The following CPSF1 variants were observed in gnomAD, a reference collection of about 807,000 sequenced individuals.
CPSF1 encodes cleavage and polyadenylation specific factor 1, also known as cleavage and polyadenylation specificity factor subunit 1.
Under a neutral mutation model 175.8 loss-of-function variants are expected in CPSF1, and 106 were observed. The observed-to-expected ratio is 0.60, with a 90% CI of 0.52 to 0.71. The LOEUF (loss-of-function observed/expected upper bound fraction) is 0.71, where lower values mean the gene tolerates loss of function less well. Ranked by LOEUF, CPSF1 falls within the 30% of genes least tolerant of loss-of-function variation. The pLI is 0.00. For missense variants in CPSF1, 1,734 were observed against 2,022.9 expected (o/e 0.86, Z 2.74); for synonymous variants, 1,024 against 858.3 (o/e 1.19, Z -3.37).
At chr8:144,403,732 A>C (rs2116895810) in intron 2 of CPSF1, among the ~76,000 whole-genome samples, 6 of 132,240 alleles carry the variant, frequency 4.5e-5, no homozygotes, top group Non-Finnish European at 8.3e-5. Flanking sequence ...TTGTATTTTT[A>C]ATAGATAGGG....
In CPSF1 at chr8:144,399,613, C is replaced by T. The variant is rs1821029311; in HGVS notation, c.1217G>A (p.Ser406Asn). The T allele has an allele frequency of 1.2e-6, 2 of 1,610,766 alleles. No individual in the cohort carries two copies. The highest frequency in any genetic ancestry group is 1.7e-6 in the Non-Finnish European group (2 of 1,178,802). The change falls in exon 12 of 38, where the codon AGT (serine) becomes AAT (asparagine). Residue 406 changes from serine (S) to asparagine (N), a missense_variant. Ser to Asn is a conservative substitution (Grantham distance 46). Around this residue, in one of 10 missense-constraint regions of CPSF1, gnomAD observed 162 missense variants for 169.5 expected, o/e 0.96. Coordinates refer to ENST00000616140, the MANE Select transcript of CPSF1 (RefSeq NM_013291.3). This position sits in a 1 kb window ranked among gnomAD's most constrained non-coding sequence, Gnocchi z 6.4. ...CTTGTCGGCAGCCTCACGGACAGCA[C>T]TGGCCGGGGGCTCCTGCAGCTTCTC... Reference protein sequence around the residue: ...YTEKLQEPPASAVREAADKEE... With the variant: ...YTEKLQEPPANAVREAADKEE...
Position 144,398,039 on chromosome 8 carries a change from C to T in CPSF1, c.1988G>A (p.Gly663Asp), listed in dbSNP as rs1820886537. Residue 663 changes from glycine to aspartate, a missense_variant, in exon 20 of 38, where the codon GGC becomes GAC. Gly to Asp is a moderately conservative substitution (Grantham distance 94). Around this residue, in one of 10 missense-constraint regions of CPSF1, gnomAD observed 280 missense variants for 349.2 expected, o/e 0.80. Coordinates refer to ENST00000616140, the MANE Select transcript of CPSF1 (RefSeq NM_013291.3). ...CTTCAGCAGGAACATGGTGACGTGG[C>T]CCTCGGCACTCATGATGACCACATA... The part of the protein sequence containing the change: ...DPYVVIMSAE[G>D]HVTMFLLKSD... 1.9e-6 allele frequency: 3 copies of T among 1,612,382 alleles called. No homozygotes were observed. Among genetic ancestry groups the T allele is most frequent in the Non-Finnish European group, 2.5e-6 (3 of 1,179,748 alleles).
intron 2 of CPSF1, among the ~76,000 whole-genome samples, chr8:144,405,580 C>T (rs981336745): frequency 1.3e-5 from 2 of 151,898 alleles, no homozygotes; most frequent in African/African-American, 2.4e-5. Flanking sequence ...GCTGAGATCG[C>T]ACTGTTGCAC....
chr8:144,408,357 T>C (rs1329168602), intron 2 of CPSF1, among the ~76,000 whole-genome samples: 5 of 152,148 alleles, frequency 3.3e-5, no homozygotes, highest in Admixed American at 1.3e-4. Flanking sequence ...TCAAGAGCAA[T>C]GGAGAAACTG....
At chr8:144,395,728 T>A in intron 26 of CPSF1, 177 bp from the exon 27 acceptor site, 1 of 611,934 alleles carries the variant, frequency 1.6e-6, no homozygotes, top group Non-Finnish European at 2.9e-6. Flanking sequence ...CCTCTGGGGC[T>A]CCTCCTGTCC....
rs2116873071 is a variant in CPSF1 at position 144,400,179 on chromosome 8, C to T, written c.924G>A (p.Thr308=). Residue 308 remains threonine, a synonymous_variant, in exon 9 of 38, where the codon ACG becomes ACA. Transcript: ENST00000616140. ...VALNSLTTGT[T]AFPLRTQEGV... ...CCCCACACTCACGAAGCGGGAAAGC[C>T]GTGGTTCCTGTGGTGAGGCTGTTGA... 18 of 1,543,240 alleles carry T rather than the reference C, an allele frequency of 1.2e-5. 1 individual carries two copies. Among genetic ancestry groups the T allele is most frequent in the South Asian group, 1.1e-4 (9 of 85,152 alleles).
chr8:144,396,311 C>G, intron 26 of CPSF1, 37 bp downstream of exon 26: 1 of 1,559,670 alleles, frequency 6.4e-7, no homozygotes, highest in Middle Eastern at 2.3e-4. Context: ...GCTGGGGCAG[C>G]ATCAGCCAGT....
chr8:144,400,613 C>T lies in CPSF1; in HGVS notation c.686+58G>A, dbSNP rs1821144029. On this transcript the variant is annotated intron_variant, in intron 7 of 37. Transcript: ENST00000616140. ...CCGCCCTAAACCCCATGGGCCCCAC[C>T]CCAGGCAGAGGCAGCTAGGGGGCCC... 2.8e-5 allele frequency: 44 copies of T among 1,594,592 alleles called. No individual in the cohort carries two copies. In the South Asian group the frequency reaches 4.4e-4, roughly 16 times the overall value.
chr8:144,405,877 T>C (rs2116903351), intron 2 of CPSF1, among the ~76,000 whole-genome samples: 1 of 150,514 alleles, frequency 6.6e-6, no homozygotes, highest in Admixed American at 6.6e-5. Context: ...CAGGGGAGAG[T>C]GGAGGGACGG....
chr8:144,405,630 GAAAA>G (rs1177022599), intron 2 of CPSF1, among the ~76,000 whole-genome samples: 2 of 147,724 alleles, frequency 1.4e-5, no homozygotes, highest in African/African-American at 2.5e-5. Context: ...TCTCAAAAAA[GAAAA>G]AAAAAAGACA....
At chr8:144,397,106 T>C (rs1293655000) in intron 23 of CPSF1, 101 bp downstream of exon 23, 114 of 671,044 alleles carry the variant, frequency 1.7e-4, no homozygotes, top group Non-Finnish European at 1.9e-4. Flanking sequence ...GGCGGGGCCG[T>C]GGGGGAGATG....
intron 2 of CPSF1, 115 bp downstream of exon 2, chr8:144,408,900 G>A (rs1339047684): frequency 3.9e-6 from 5 of 1,291,576 alleles, no homozygotes; most frequent in East Asian, 2.4e-5. Flanking sequence ...TCAGGCTGAG[G>A]AACGTTAAGC....
chr8:144,394,058 G>A lies in CPSF1; in HGVS notation c.3860-20C>T. 1.2e-6 allele frequency: 2 copies of A among 1,610,770 alleles called. No homozygotes were observed. Among genetic ancestry groups the A allele is most frequent in the East Asian group, 2.2e-5 (1 of 44,782 alleles). On this transcript the variant is annotated intron_variant, in intron 34 of 37. Coordinates refer to ENST00000616140, the MANE Select transcript of CPSF1 (RefSeq NM_013291.3). ...CCTTGGCTAGACCAGAAAGGCCTAG[G>A]GGTCACTGCTAGCCCAGCCCCGGCC...
At chr8:144,404,121 G>A (rs2116896973) in intron 2 of CPSF1, among the ~76,000 whole-genome samples, 5 of 151,782 alleles carry the variant, frequency 3.3e-5, no homozygotes, top group Non-Finnish European at 5.9e-5. Context: ...TACTCAGGAG[G>A]CTAAGGCAGG....
At chr8:144,396,103 G>A (rs782547357) in intron 26 of CPSF1, 8 of 551,372 alleles carry the variant, frequency 1.5e-5, no homozygotes, top group South Asian at 2.4e-5. Context: ...GGGCTTGCCC[G>A]GCGAGCCGGC....
rs374822432 is a variant in CPSF1 at position 144,394,643 on chromosome 8, C to G, written c.3567+1G>C. 1.2e-6 allele frequency: 2 copies of G among 1,605,710 alleles called. No homozygotes were observed. On this transcript the variant is annotated splice_donor_variant, in intron 31 of 37. Coordinates refer to ENST00000616140, the MANE Select transcript of CPSF1 (RefSeq NM_013291.3). LOFTEE classifies it high-confidence loss of function. Reference sequence around the variant, plus strand: ...ACACACGCCGGGTGGGACTGGCACACCTTCTGGCCGATGGCCGACACCAGG... The same window carrying G: ...ACACACGCCGGGTGGGACTGGCACAGCTTCTGGCCGATGGCCGACACCAGG...
intron 19 of CPSF1, 57 bp from the exon 20 acceptor site, chr8:144,398,189 C>T: frequency 1.1e-6 from 1 of 949,364 alleles, no homozygotes; most frequent in Non-Finnish European, 1.5e-6. Context: ...ACCCACCTAC[C>T]TCCTTCCAGC....
chr8:144,400,373 C>A lies in CPSF1; in HGVS notation c.807G>T (p.Leu269=). 6.2e-7 allele frequency: 1 copy of A among 1,613,934 alleles called. No homozygotes were observed. The highest frequency in any genetic ancestry group is 8.5e-7 in the Non-Finnish European group (1 of 1,179,982). ...ACACACCTATGGGCTTGGGCACAGC[C>A]AGAGCCTGGGTGCAGTCAAAGGGCA... is the stretch of plus-strand genomic sequence containing the variant. ...TSLPFDCTQA[L]AVPKPIGGVV... is the part of the protein sequence containing the mutation. The change falls in exon 8 of 38, where the codon CTG becomes CTT. Residue 269 remains leucine, a synonymous_variant. Coordinates refer to ENST00000616140, the MANE Select transcript of CPSF1 (RefSeq NM_013291.3).
chr8:144,406,624 C>T (rs2116905795), intron 2 of CPSF1, among the ~76,000 whole-genome samples: 1 of 152,268 alleles, frequency 6.6e-6, no homozygotes, highest in Admixed American at 6.5e-5. Context: ...CCATACCAGA[C>T]CTCAATCCTC....
Sources: gnomAD v4.1 joint callset for allele counts (sites outside exome capture counted in the v4.1 genomes callset) on GRCh38, gnomAD v4.1.1 for gene constraint, gnomAD v4.1.1 regional missense constraint, Gnocchi (gnomAD v3.1) non-coding constraint, MANE v1.5 for transcripts, NCBI Gene and HGNC (gene_info 2026-07-23, HGNC 2026-07-21) for gene names.